ATP8A2: variants seen among roughly 807,000 people sequenced by gnomAD.
ATP8A2 encodes the protein ATPase phospholipid transporting 8A2.
ATP8A2 carries 100 observed loss-of-function variants against 165.6 expected under a neutral mutation model. That is an observed-to-expected ratio of 0.60 (90% CI 0.51 to 0.71). ATP8A2 has a LOEUF of 0.71. ATP8A2 is among the 30% of genes least tolerant of loss of function. The pLI, the probability that ATP8A2 is intolerant of heterozygous loss-of-function variation, is 0.00. For synonymous variants in ATP8A2, 543 were observed against 548.8 expected, an observed-to-expected ratio of 0.99 and a Z score of 0.15; for missense variants, 1,227 against 1,479.5, an observed-to-expected ratio of 0.83 and a Z score of 2.80.
intron 24 of ATP8A2, among the ~76,000 whole-genome samples, chr13:25,686,975 G>A (rs7999321): frequency 0.94 from 142,750 of 152,252 alleles, 66,989 homozygotes; most frequent in East Asian, 1. Context: ...CTGTGTTCCT[G>A]TAGTCGATGT....
chr13:25,474,230 T>C (rs568736828), intron 2 of ATP8A2, among the ~76,000 whole-genome samples: 3 of 152,302 alleles, frequency 2.0e-5, no homozygotes, highest in Non-Finnish European at 4.4e-5. Flanking sequence ...TTTGGTAAGT[T>C]TTTGTTGGCT....
intron 27 of ATP8A2, among the ~76,000 whole-genome samples, chr13:25,788,276 C>G (rs1301165376): frequency 6.6e-6 from 1 of 152,264 alleles, no homozygotes; most frequent in East Asian, 1.9e-4. Flanking sequence ...GAGCCTTCCT[C>G]TTTGCCATTT....
intron 35 of ATP8A2, among the ~76,000 whole-genome samples, chr13:25,988,742 T>TA (rs1228832402): frequency 6.6e-6 from 1 of 152,204 alleles, no homozygotes; most frequent in Non-Finnish European, 1.5e-5. Context: ...GAGCTATAGT[T>TA]AAAAAATAAT....
rs151131546 is a variant in ATP8A2 at position 25,546,552 on chromosome 13, T to C, written c.891+3150T>C. ...TTTGAAGTCTCTCACCTCAATGCCT[T>C]TTGCCCTTCAAGTTTCCTTCAGTTC... On this transcript the variant is annotated intron_variant, in intron 10 of 36. Coordinates refer to ENST00000381655, the MANE Select transcript of ATP8A2 (RefSeq NM_016529.6). Among the ~76,000 whole-genome samples the C allele has an allele frequency of 6.8e-3, 1,031 of 152,016 alleles. 24 individuals are homozygous for C. The highest frequency in any genetic ancestry group is 0.031 in the Admixed American group (480 of 15,254).
At chr13:25,737,189 A>G (rs1013654551) in intron 25 of ATP8A2, among the ~76,000 whole-genome samples, 1 of 152,214 alleles carries the variant, frequency 6.6e-6, no homozygotes. Context: ...GAAGGCAGCT[A>G]TATTTACTTC....
At chr13:25,475,480 C>G (rs1463915743) in intron 2 of ATP8A2, among the ~76,000 whole-genome samples, 1 of 152,148 alleles carries the variant, frequency 6.6e-6, no homozygotes, top group African/African-American at 2.4e-5. Flanking sequence ...AGTGAGCATT[C>G]GAGTCCACGT....
chr13:25,899,085 G>GT (rs1410189203), intron 33 of ATP8A2, among the ~76,000 whole-genome samples: 2 of 152,216 alleles, frequency 1.3e-5, no homozygotes, highest in Non-Finnish European at 2.9e-5. Context: ...CAGTACCTCA[G>GT]TTGGAAATGC....
intron 24 of ATP8A2, among the ~76,000 whole-genome samples, chr13:25,599,754 T>C (rs1384290378): frequency 6.6e-6 from 1 of 152,220 alleles, no homozygotes; most frequent in Non-Finnish European, 1.5e-5. Context: ...GGCAGGATGA[T>C]GACTGCAATG....
At chr13:25,537,009 T>C (rs2038307359) in intron 6 of ATP8A2, among the ~76,000 whole-genome samples, 1 of 152,196 alleles carries the variant, frequency 6.6e-6, no homozygotes, top group Non-Finnish European at 1.5e-5. Flanking sequence ...AAAGCTAGGA[T>C]TGGAGTTAGG....
chr13:25,464,531 T>C (rs150896182), intron 1 of ATP8A2, among the ~76,000 whole-genome samples: 1 of 151,988 alleles, frequency 6.6e-6, no homozygotes, highest in Non-Finnish European at 1.5e-5. Flanking sequence ...ACCTGGTGTG[T>C]ATATGTTAAT....
chr13:25,468,161 A>G (rs1384342032), intron 1 of ATP8A2, among the ~76,000 whole-genome samples: 2 of 152,096 alleles, frequency 1.3e-5, no homozygotes, highest in African/African-American at 4.8e-5. Flanking sequence ...AGTGAAGGTT[A>G]TTGGGGGGCA....
rs998430065 is a variant in ATP8A2, at chr13:25,570,883, T to G, written c.1579+11T>G. ...AGGCCTCTTCCCCAGGTGAGGGCTC[T>G]GGCCGGATGCGCCCTGCTGGCCCCT... On this transcript the variant is annotated intron_variant, in intron 17 of 36. Transcript: ENST00000381655. The G allele has an allele frequency of 6.3e-7, 1 of 1,597,710 alleles. No homozygotes were observed. Among genetic ancestry groups the G allele is most frequent in the Non-Finnish European group, 8.6e-7 (1 of 1,166,226 alleles).
chr13:25,826,012 T>C (rs377001572), intron 27 of ATP8A2, among the ~76,000 whole-genome samples: 60 of 152,100 alleles, frequency 3.9e-4, no homozygotes, highest in African/African-American at 1.4e-3. Context: ...TTGTTTGGGG[T>C]TTTTTGAGAT....
rs532172964 is a variant in ATP8A2, at chr13:25,431,499, C to T, written c.77-37478C>T. ...ATTCTAATAGTAACTTTTACTTCGGCGGCGGGGGGGGAATCTCATACAATT... is the reference window on the plus strand; with the variant it reads ...ATTCTAATAGTAACTTTTACTTCGGTGGCGGGGGGGGAATCTCATACAATT... On this transcript the variant is annotated intron_variant, in intron 1 of 36. Transcript: ENST00000381655. Among the ~76,000 whole-genome samples, 139 of 141,634 alleles carry T rather than the reference C, an allele frequency of 9.8e-4. 2 individuals carry two copies. In the East Asian group the frequency reaches 0.031, roughly 31 times the overall value. The allele number at this position is 141,634 out of a possible 152,430, so 92.9% of individuals were successfully genotyped here.
At chr13:25,880,709 G>A (rs967948500) in intron 33 of ATP8A2, among the ~76,000 whole-genome samples, 18 of 152,140 alleles carry the variant, frequency 1.2e-4, no homozygotes, top group Admixed American at 3.3e-4. Context: ...TACAAGTTAC[G>A]TTCCCCTAAA....
At chr13:25,486,422 C>T (rs575961701) in intron 2 of ATP8A2, among the ~76,000 whole-genome samples, 3 of 152,254 alleles carry the variant, frequency 2.0e-5, no homozygotes, top group South Asian at 4.1e-4. Flanking sequence ...GCATTCTTCA[C>T]AGCCAAGTAT....
chr13:25,583,228 C>G (rs1275759278), intron 23 of ATP8A2, among the ~76,000 whole-genome samples: 1 of 152,026 alleles, frequency 6.6e-6, no homozygotes, highest in Admixed American at 6.5e-5. Flanking sequence ...TATACATTGA[C>G]CCTTTATGTG....
In ATP8A2 at chr13:25,999,034, T is replaced by C. The variant is rs1480417431; in HGVS notation, c.3378-13497T>C. 2.0e-5 allele frequency among the ~76,000 whole-genome samples: 3 copies of C among 152,180 alleles called. No homozygotes were observed. The East Asian group carries it at 5.8e-4, about 29-fold the overall frequency. On this transcript the variant is annotated intron_variant, in intron 35 of 36. Transcript: ENST00000381655. ...GTCCTGAGCTCAATGCTGGGCGTTA[T>C]GGATAGACACGAGACAAATGGTGAA...
chr13:25,398,133 T>C (rs1302326352), intron 1 of ATP8A2, among the ~76,000 whole-genome samples: 2 of 152,206 alleles, frequency 1.3e-5, no homozygotes, highest in African/African-American at 4.8e-5. Context: ...CCTTACAGAA[T>C]GTAAATTTTC....
Sources: gnomAD v4.1 joint callset for allele counts (sites outside exome capture counted in the v4.1 genomes callset) on GRCh38, gnomAD v4.1.1 for gene constraint, MANE v1.5 for transcripts, NCBI Gene and HGNC (gene_info 2026-07-23, HGNC 2026-07-21) for gene names.